Variants in TMEM63B observed in about 807,000 individuals in gnomAD.
TMEM63B encodes the protein mechanosensitive cation channel TMEM63B.
In TMEM63B, 23 loss-of-function variants were observed where a neutral mutation model predicts 102.6. The ratio of observed to expected loss-of-function variants is 0.22; its 90% CI spans 0.16 to 0.32. The LOEUF (loss-of-function observed/expected upper bound fraction) is 0.32, where lower values mean the gene tolerates loss of function less well. Among genes scored for constraint, TMEM63B ranks in the 10% least tolerant of loss-of-function variants. The pLI is 1.00. For synonymous variants in TMEM63B, 444 were observed against 437.0 expected (o/e 1.02, Z -0.20); for missense variants, 628 against 1,095.9 (o/e 0.57, Z 6.03).
At chr6:44,138,406 G>T in intron 5 of TMEM63B, 74 bp from the exon 6 acceptor site, 1 of 1,589,756 alleles carries the variant, frequency 6.3e-7, no homozygotes, top group Non-Finnish European at 8.6e-7. Flanking sequence ...ATGAGAATGG[G>T]TGGGACTTGA....
At chr6:44,129,224 C>T (rs558892458) in intron 1 of TMEM63B, among the ~76,000 whole-genome samples, 6 of 151,890 alleles carry the variant, frequency 4.0e-5, no homozygotes, top group Admixed American at 1.3e-4. Context: ...AAAAATTAGC[C>T]GGGCATGGTG....
Position 44,155,036 on chromosome 6 carries a change from C to A in TMEM63B, c.*153C>A. On this transcript the variant is annotated 3_prime_UTR_variant, in exon 24 of 24. Coordinates refer to ENST00000323267, the MANE Select transcript of TMEM63B (RefSeq NM_018426.3). The stretch of plus-strand genomic sequence containing the variant: ...TTAAACTTGGGGGTTTCACTGCTCT[C>A]CCCCATGATGGAGGGAGGGAGCCCC... The A allele has an allele frequency of 1.6e-6, 1 of 644,486 alleles. No individual in the cohort carries two copies. Among genetic ancestry groups the A allele is most frequent in the Non-Finnish European group, 2.2e-6 (1 of 455,188 alleles). 39.9% of individuals were successfully genotyped at this position (644,486 alleles called of 1,614,324 possible).
At chr6:44,149,032 A>T in intron 15 of TMEM63B, 87 bp downstream of exon 15, 1 of 1,597,376 alleles carries the variant, frequency 6.3e-7, no homozygotes, top group Non-Finnish European at 8.5e-7. Context: ...TGCCCAGCCC[A>T]GCCCGTTCTG....
chr6:44,136,520 G>T (rs1008198593), intron 5 of TMEM63B, 81 bp downstream of exon 5: 3 of 992,080 alleles, frequency 3.0e-6, no homozygotes, highest in Admixed American at 2.0e-5. Context: ...CACTTTCAGT[G>T]ATGTGGAGTC....
intron 9 of TMEM63B, chr6:44,140,640 G>A: frequency 1.7e-6 from 1 of 586,226 alleles, no homozygotes; most frequent in Non-Finnish European, 3.1e-6. Context: ...CTGATCCTAG[G>A]ATAGTAATAT....
intron 18 of TMEM63B, among the ~76,000 whole-genome samples, chr6:44,151,521 G>C (rs1449418589): frequency 6.6e-6 from 1 of 152,156 alleles, no homozygotes; most frequent in African/African-American, 2.4e-5. Flanking sequence ...TCCTGGGGCT[G>C]TCAGCCTTTG....
intron 9 of TMEM63B, chr6:44,140,580 A>C: frequency 1.5e-6 from 1 of 653,224 alleles, no homozygotes; most frequent in Non-Finnish European, 2.8e-6. Context: ...GTTGTGGGGA[A>C]TACACAGAAA....
chr6:44,128,786 A>G (rs1309630164), intron 1 of TMEM63B, among the ~76,000 whole-genome samples: 3 of 152,134 alleles, frequency 2.0e-5, no homozygotes, highest in Admixed American at 2.0e-4. Flanking sequence ...CCAGGCTTCA[A>G]GTGGGGGTGT....
chr6:44,152,694 C>T lies in TMEM63B; in HGVS notation c.1938C>T (p.Pro646=). 1.9e-6 allele frequency: 3 copies of T among 1,605,924 alleles called. No individual in the cohort carries two copies. The highest frequency in any genetic ancestry group is 2.5e-6 in the Non-Finnish European group (3 of 1,179,564). ...TYSITCPIIV[P]FGLMYMLLKH... is the part of the protein sequence containing the mutation. ...GTATCACCTGCCCCATCATCGTGCC[C>T]TTCGGTAGGCACCGCCGCGCCGGGA... Residue 646 remains proline, a synonymous_variant, in exon 20 of 24, where the codon CCC becomes CCT. Transcript: ENST00000323267. The surrounding 1 kb of genome is among the most constrained non-coding windows in gnomAD (Gnocchi z 6.4).
intron 9 of TMEM63B, chr6:44,140,610 A>G: frequency 3.3e-6 from 2 of 608,426 alleles, no homozygotes; most frequent in South Asian, 3.5e-5. Flanking sequence ...TGTGCCCAGC[A>G]CTTGGGAAAA....
chr6:44,137,206 G>A (rs1004449622), intron 5 of TMEM63B, among the ~76,000 whole-genome samples: 1 of 152,176 alleles, frequency 6.6e-6, no homozygotes, highest in Non-Finnish European at 1.5e-5. Flanking sequence ...TTTTAACAAG[G>A]CATATGAATG....
At chr6:44,130,670 C>T (rs570614915) in intron 1 of TMEM63B, among the ~76,000 whole-genome samples, 5 of 151,062 alleles carry the variant, frequency 3.3e-5, no homozygotes, top group African/African-American at 9.7e-5. Context: ...AAGCTGGTCT[C>T]GAACTCCTGG....
chr6:44,148,955 C>T lies in TMEM63B; in HGVS notation c.1413+10C>T, dbSNP rs777658341. 6.2e-6 allele frequency: 10 copies of T among 1,614,122 alleles called. No individual in the cohort carries two copies. Among genetic ancestry groups the T allele is most frequent in the South Asian group, 2.2e-5 (2 of 91,086 alleles). On this transcript the variant is annotated intron_variant, in intron 15 of 23. Transcript: ENST00000323267. The surrounding 1 kb of genome is among the most constrained non-coding windows in gnomAD (Gnocchi z 5.1). ...TGTGGAGTACCTCAACGTGAGGCCT[C>T]ATGCCCCTGTCACTTTCCACGCTGG...
chr6:44,145,227 A>T (rs1016751735), intron 10 of TMEM63B, among the ~76,000 whole-genome samples: 5 of 147,834 alleles, frequency 3.4e-5, no homozygotes, highest in Non-Finnish European at 3.0e-5. Flanking sequence ...GTGAGCTGAG[A>T]TTGCACCACT....
chr6:44,147,470 C>T lies in TMEM63B; in HGVS notation c.957C>T (p.Leu319=). Residue 319 remains leucine (L), a synonymous_variant, in exon 12 of 24, where the codon CTC becomes CTT. Transcript: ENST00000323267. ...TMINPKPCGH[L]CCCVVRGCEQ... The stretch of plus-strand genomic sequence containing the variant: ...TCAACCCCAAGCCCTGTGGCCACCT[C>T]TGCTGCTGTGTGGTGCGAGGCTGTG... 1.2e-6 allele frequency: 2 copies of T among 1,614,192 alleles called. No individual in the cohort carries two copies. The highest frequency in any genetic ancestry group is 1.7e-6 in the Non-Finnish European group (2 of 1,180,036).
Position 44,138,492 on chromosome 6 carries a change from T to C in TMEM63B, c.382T>C (p.Trp128Arg). 1 of 1,614,114 alleles carries C rather than the reference T, an allele frequency of 6.2e-7. No individual in the cohort carries two copies. The highest frequency in any genetic ancestry group is 8.5e-7 in the Non-Finnish European group (1 of 1,180,016). ...FDQRDNGFCS[W>R]LTAIFRIKDD... ...TCTGTTCCCCCAGGGTTTCTGTTCC[T>C]GGCTGACAGCCATCTTCAGGATAAA... The change falls in exon 6 of 24, where the codon TGG (tryptophan) becomes CGG (arginine). Residue 128 changes from tryptophan to arginine, a missense_variant. This residue lies in a region of TMEM63B where 336 missense variants were observed against 580.3 expected (regional missense o/e 0.58). Transcript: ENST00000323267.
chr6:44,141,035 G>A lies in TMEM63B; in HGVS notation c.719G>A (p.Arg240Gln), dbSNP rs774305747. 1.9e-6 allele frequency: 3 copies of A among 1,613,912 alleles called. No homozygotes were observed. The highest frequency in any genetic ancestry group is 2.5e-6 in the Non-Finnish European group (3 of 1,179,952). Reference sequence around the variant, plus strand: ...CACTCCCCTGTCACCCAGGTGAAGCGGACCCTCTTCATCAATGGAATCTCC... The same window carrying A: ...CACTCCCCTGTCACCCAGGTGAAGCAGACCCTCTTCATCAATGGAATCTCC... ...MRYKEDDLVK[R>Q]TLFINGISKY... The change falls in exon 10 of 24, where the codon CGG becomes CAG. Residue 240 changes from arginine to glutamine, a missense_variant. This residue lies in a region of TMEM63B where 336 missense variants were observed against 580.3 expected (regional missense o/e 0.58). Coordinates refer to ENST00000323267, the MANE Select transcript of TMEM63B (RefSeq NM_018426.3).
chr6:44,134,352 C>G, intron 1 of TMEM63B: 1 of 538,366 alleles, frequency 1.9e-6, no homozygotes, highest in East Asian at 3.0e-5. Context: ...TTCCCCAGAC[C>G]CAGGGTGGGG....
chr6:44,149,782 G>A (rs1270647961), intron 15 of TMEM63B, 77 bp from the exon 16 acceptor site: 6 of 1,174,934 alleles, frequency 5.1e-6, no homozygotes, highest in Non-Finnish European at 7.4e-6. Context: ...GGGCCCAGCT[G>A]GGGAGGAGGC....
Sources: gnomAD v4.1 joint callset for allele counts (sites outside exome capture counted in the v4.1 genomes callset) on GRCh38, gnomAD v4.1.1 for gene constraint, gnomAD v4.1.1 regional missense constraint, Gnocchi (gnomAD v3.1) non-coding constraint, MANE v1.5 for transcripts, NCBI Gene and HGNC (gene_info 2026-07-23, HGNC 2026-07-21) for gene names.